SSBP2: variants seen among roughly 807,000 people sequenced by gnomAD.
The protein encoded by SSBP2 is single-stranded DNA-binding protein 2.
A neutral mutation model predicts 61.8 loss-of-function variants in SSBP2; 17 were observed. The observed-to-expected ratio is 0.28, with a 90% confidence interval of 0.19 to 0.41. The LOEUF (loss-of-function observed/expected upper bound fraction) is 0.41, where lower values mean the gene tolerates loss of function less well. Ranked by LOEUF, SSBP2 falls within the 10% of genes least tolerant of loss-of-function variation. The pLI, the probability that SSBP2 is intolerant of heterozygous loss-of-function variation, is 1.00. For synonymous variants in SSBP2, 139 were observed against 141.3 expected (o/e 0.98, Z 0.12); for missense variants, 310 against 458.7 (o/e 0.68, Z 2.96).
intron 1 of SSBP2, among the ~76,000 whole-genome samples, chr5:81,736,191 C>CACA (rs1257403812): frequency 3.6e-3 from 220 of 60,344 alleles, no homozygotes; most frequent in African/African-American, 0.027. Flanking sequence ...CACACACACT[C>CACA]TACGGCACTA....
At chr5:81,500,300 G>A (rs774179968) in intron 5 of SSBP2, among the ~76,000 whole-genome samples, 9 of 151,124 alleles carry the variant, frequency 6.0e-5, no homozygotes, top group Non-Finnish European at 7.4e-5. Context: ...TACAACCTCC[G>A]CCTCCCGGGT....
At chr5:81,659,805 C>G (rs1490186939) in intron 1 of SSBP2, among the ~76,000 whole-genome samples, 1 of 152,004 alleles carries the variant, frequency 6.6e-6, no homozygotes, top group Non-Finnish European at 1.5e-5. Flanking sequence ...CTATAGTATA[C>G]AAAACAGCAT....
chr5:81,424,020 A>G (rs73132066), intron 16 of SSBP2, among the ~76,000 whole-genome samples: 3,969 of 152,230 alleles, frequency 0.026, 164 homozygotes, highest in African/African-American at 0.09. Flanking sequence ...TTGGGAAGTT[A>G]AAAGAGTGAG....
intron 1 of SSBP2, among the ~76,000 whole-genome samples, chr5:81,729,855 G>C (rs1436227045): frequency 6.6e-6 from 1 of 151,772 alleles, no homozygotes; most frequent in Admixed American, 6.6e-5. Flanking sequence ...ACTTACAGAG[G>C]GTTGACTGAG....
At chr5:81,746,791 T>C (rs941958955) in intron 1 of SSBP2, among the ~76,000 whole-genome samples, 7 of 152,164 alleles carry the variant, frequency 4.6e-5, no homozygotes, top group Admixed American at 2.6e-4. Context: ...ATTATGTGTA[T>C]CTTTTATGTT....
intron 4 of SSBP2, among the ~76,000 whole-genome samples, chr5:81,571,747 A>G (rs974531754): frequency 4.6e-5 from 7 of 152,130 alleles, no homozygotes; most frequent in Non-Finnish European, 1.0e-4. Context: ...ATATTCAACA[A>G]TATTATCTGG....
At chr5:81,438,302 G>T (rs995592619) in intron 14 of SSBP2, among the ~76,000 whole-genome samples, 1 of 144,758 alleles carries the variant, frequency 6.9e-6, no homozygotes, top group Non-Finnish European at 1.5e-5. Context: ...AGTGAGCCGA[G>T]ATCACATCAC....
chr5:81,675,640 C>A (rs577216347), intron 1 of SSBP2, among the ~76,000 whole-genome samples: 2 of 152,266 alleles, frequency 1.3e-5, no homozygotes, highest in African/African-American at 2.4e-5. Context: ...CTAATGAAAT[C>A]CTAACTAGTA....
chr5:81,729,143 AATT>A (rs1272920305), intron 1 of SSBP2, among the ~76,000 whole-genome samples: 1 of 152,134 alleles, frequency 6.6e-6, no homozygotes, highest in African/African-American at 2.4e-5. Flanking sequence ...TAAAAATAAA[AATT>A]ATAATGTTAA....
chr5:81,593,141 C>G (rs533692656), intron 4 of SSBP2, among the ~76,000 whole-genome samples: 1 of 152,128 alleles, frequency 6.6e-6, no homozygotes, highest in African/African-American at 2.4e-5. Context: ...CAGAGAAGTC[C>G]TTAAAGGACC....
chr5:81,529,372 T>C (rs1191850587), intron 4 of SSBP2, among the ~76,000 whole-genome samples: 1 of 152,168 alleles, frequency 6.6e-6, no homozygotes, highest in East Asian at 1.9e-4. Flanking sequence ...ACATATTCTT[T>C]CTATGTTTGT....
At chr5:81,600,928 C>A (rs1325379031) in intron 4 of SSBP2, among the ~76,000 whole-genome samples, 1 of 152,080 alleles carries the variant, frequency 6.6e-6, no homozygotes, top group Non-Finnish European at 1.5e-5. Flanking sequence ...ACTGAATATG[C>A]TGAACAATAC....
chr5:81,427,610 G>A (rs929235268), intron 16 of SSBP2, among the ~76,000 whole-genome samples: 2 of 152,180 alleles, frequency 1.3e-5, no homozygotes, highest in Non-Finnish European at 2.9e-5. Context: ...GGTAAATGCT[G>A]AGTTGGGCAA....
At chr5:81,501,282 CAT>C (rs1554075945) in intron 5 of SSBP2, among the ~76,000 whole-genome samples, 2 of 116,664 alleles carry the variant, frequency 1.7e-5, no homozygotes, top group South Asian at 2.8e-4. Flanking sequence ...CACACACACA[CAT>C]GCACATACAC....
At chr5:81,447,021 C>T in intron 11 of SSBP2, 99 bp from the exon 12 acceptor site, 1 of 758,210 alleles carries the variant, frequency 1.3e-6, no homozygotes. Context: ...AAAATAAGAG[C>T]AGAAATATAT....
chr5:81,523,787 G>A (rs534792598), intron 4 of SSBP2, among the ~76,000 whole-genome samples: 11 of 151,782 alleles, frequency 7.2e-5, no homozygotes, highest in African/African-American at 2.7e-4. Flanking sequence ...ACTCCCTACC[G>A]CCAACACACA....
At chr5:81,510,590 G>C (rs1327559969) in intron 5 of SSBP2, among the ~76,000 whole-genome samples, 2 of 151,996 alleles carry the variant, frequency 1.3e-5, no homozygotes, top group Admixed American at 1.3e-4. Flanking sequence ...GGGAAACCCT[G>C]TCTCTACTAA....
At chr5:81,433,082 T>C (rs371958051) in intron 15 of SSBP2, among the ~76,000 whole-genome samples, 2,427 of 151,312 alleles carry the variant, frequency 0.016, 61 homozygotes, top group African/African-American at 0.054. Flanking sequence ...CCCCTCTGCC[T>C]GGCCACCACC....
intron 1 of SSBP2, among the ~76,000 whole-genome samples, chr5:81,669,517 C>A (rs2153782899): frequency 6.6e-6 from 1 of 152,194 alleles, no homozygotes; most frequent in East Asian, 1.9e-4. Flanking sequence ...ATGGATGAAG[C>A]TGGAAGCCAT....
Sources: gnomAD v4.1 joint callset for allele counts (sites outside exome capture counted in the v4.1 genomes callset) on GRCh38, gnomAD v4.1.1 for gene constraint, MANE v1.5 for transcripts, NCBI Gene and HGNC (gene_info 2026-07-23, HGNC 2026-07-21) for gene names.